MICAL1: variants seen among roughly 807,000 people sequenced by gnomAD.
MICAL1 encodes the protein microtubule associated monooxygenase, calponin and LIM domain containing 1, also known as [F-actin]-monooxygenase MICAL1.
In MICAL1, 95 loss-of-function variants were observed where a neutral mutation model predicts 131.8. That is an observed-to-expected ratio of 0.72 (90% confidence interval 0.61 to 0.86). MICAL1 has a LOEUF of 0.86. Ranked by LOEUF, MICAL1 falls within the 40% of genes least tolerant of loss-of-function variation. The pLI is 0.00. For missense variants in MICAL1, 1,292 were observed against 1,380.6 expected (o/e 0.94, Z 1.02); for synonymous variants, 546 against 554.2 (o/e 0.99, Z 0.21).
At chr6:109,445,559 G>A (rs762744677) in intron 20 of MICAL1, 30 bp from the exon 21 acceptor site, 2 of 1,607,060 alleles carry the variant, frequency 1.2e-6, no homozygotes, top group Non-Finnish European at 1.7e-6. Context: ...GTCAGGGATA[G>A]GGCCTGGGCC....
chr6:109,449,573 A>G, intron 10 of MICAL1, 84 bp downstream of exon 10: 2 of 1,601,274 alleles, frequency 1.2e-6, no homozygotes, highest in Non-Finnish European at 1.7e-6. Flanking sequence ...ATTGACCCCA[A>G]AGGGCAGCGA....
intron 6 of MICAL1, 158 bp downstream of exon 6, chr6:109,452,088 A>C: frequency 7.0e-7 from 1 of 1,432,114 alleles, no homozygotes; most frequent in Non-Finnish European, 9.1e-7. Flanking sequence ...GTGCTTGCTT[A>C]ATCCCTGAGG....
upstream of MICAL1, among the ~76,000 whole-genome samples, chr6:109,460,123 T>A (rs934731709): frequency 1.3e-5 from 2 of 152,150 alleles, no homozygotes; most frequent in African/African-American, 2.4e-5. Context: ...GATCCCTTGC[T>A]GTTACCAAAA....
chr6:109,445,228 C>T lies in MICAL1; in HGVS notation c.2850G>A (p.Val950=). 1 of 1,613,916 alleles carries T rather than the reference C, an allele frequency of 6.2e-7. No homozygotes were observed. Among genetic ancestry groups the T allele is most frequent in the Non-Finnish European group, 8.5e-7 (1 of 1,180,040 alleles). The change falls in exon 22 of 25, where the codon GTG becomes GTA. Residue 950 remains valine (V), a synonymous_variant. Coordinates refer to ENST00000358807, the MANE Select transcript of MICAL1 (RefSeq NM_022765.4). ...AALRELEAEG[V]KLELALRRQS... ...GGCGCCTCAAGGCCAGCTCCAGCTT[C>T]ACGCCCTCGGCCTCTAGCTCCCTCA...
intron 3 of MICAL1, 89 bp from the exon 4 acceptor site, chr6:109,453,456 A>C: frequency 6.6e-7 from 1 of 1,519,920 alleles, no homozygotes; most frequent in Non-Finnish European, 9.0e-7. Flanking sequence ...GTCAGACTGG[A>C]AAAGGCCTTA....
chr6:109,445,193 T>C lies in MICAL1; in HGVS notation c.2881+4A>G, dbSNP rs1775154039. 2 of 1,612,930 alleles carry C rather than the reference T, an allele frequency of 1.2e-6. No individual in the cohort carries two copies. Among genetic ancestry groups the C allele is most frequent in the East Asian group, 4.5e-5 (2 of 44,888 alleles). On this transcript the variant is annotated splice_donor_region_variant and intron_variant, in intron 22 of 24. Coordinates refer to ENST00000358807, the MANE Select transcript of MICAL1 (RefSeq NM_022765.4). ...GCAGAGGGGTGTCCTAGCTTGTCAC[T>C]CACTGCTCTGGCGCCTCAAGGCCAG... is the stretch of plus-strand genomic sequence containing the variant.
At position 109,445,219 on chromosome 6, in the gene MICAL1, C is replaced by T; in HGVS notation, c.2859G>A (p.Glu953=). 6.2e-7 allele frequency: 1 copy of T among 1,613,738 alleles called. No homozygotes were observed. The highest frequency in any genetic ancestry group is 1.1e-5 in the South Asian group (1 of 91,068). Residue 953 remains glutamate (E), a synonymous_variant, in exon 22 of 25, where the codon GAG becomes GAA. Transcript: ENST00000358807. ...CACTGCTCTGGCGCCTCAAGGCCAGCTCCAGCTTCACGCCCTCGGCCTCTA... is the reference window on the plus strand; with the variant it reads ...CACTGCTCTGGCGCCTCAAGGCCAGTTCCAGCTTCACGCCCTCGGCCTCTA... The part of the protein sequence containing the change: ...RELEAEGVKL[E]LALRRQSSSP...
chr6:109,445,568 C>G (rs763286245), intron 20 of MICAL1, 39 bp from the exon 21 acceptor site: 4 of 1,604,694 alleles, frequency 2.5e-6, no homozygotes, highest in Non-Finnish European at 3.4e-6. Flanking sequence ...AGGGCCTGGG[C>G]CCCCTGGTGG....
rs755103333 is a variant in MICAL1 at position 109,444,939 on chromosome 6, T to G, written c.2938A>C (p.Lys980Gln). The stretch of plus-strand genomic sequence containing the variant: ...TCCTCAGCCACCAGGCTGTTTTTCT[T>G]GTCAACGAGCTGTAGCAGCTGTCCT... ...WVGQLLQLVD[K>Q]KNSLVAEEAE... Residue 980 changes from lysine to glutamine, a missense_variant, in exon 23 of 25, where the codon AAG (lysine) becomes CAG (glutamine). Coordinates refer to ENST00000358807, the MANE Select transcript of MICAL1 (RefSeq NM_022765.4). The G allele has an allele frequency of 8.1e-6, 13 of 1,614,032 alleles. No homozygotes were observed. The highest frequency in any genetic ancestry group is 1.1e-5 in the Non-Finnish European group (13 of 1,180,038).
upstream of MICAL1, among the ~76,000 whole-genome samples, chr6:109,456,731 AC>A (rs1308686454): frequency 6.6e-6 from 1 of 152,202 alleles, no homozygotes; most frequent in East Asian, 1.9e-4. Flanking sequence ...ATATTAAAAA[AC>A]ATCGTCTCAT....
upstream of MICAL1, chr6:109,455,920 A>T (rs1775732984): frequency 1.0e-6 from 1 of 985,290 alleles, no homozygotes; most frequent in Non-Finnish European, 1.2e-6. The surrounding 1 kb of genome is among the most constrained non-coding windows in gnomAD (Gnocchi z 4.7). Flanking sequence ...CCCGGGCTTT[A>T]TTCGCGACTC....
At chr6:109,447,641 ATG>A in intron 15 of MICAL1, 38 bp downstream of exon 15, 1 of 1,613,254 alleles carries the variant, frequency 6.2e-7, no homozygotes, top group Non-Finnish European at 8.5e-7. Context: ...AGGGGATAAA[ATG>A]TGGGGTAGGA....
At position 109,448,838 on chromosome 6, in the gene MICAL1, C is replaced by G; in HGVS notation, c.1558G>C (p.Glu520Gln). Residue 520 changes from glutamate to glutamine, a missense_variant, in exon 12 of 25, where the codon GAG (glutamate) becomes CAG (glutamine). Physicochemically the swap from Glu to Gln is conservative, Grantham distance 29. Transcript: ENST00000358807. ...TQEELLRWCQ[E>Q]QTAGYPGVHV... Reference sequence around the variant, plus strand: ...ACTCCCGGGTACCCAGCTGTCTGCTCCTGGCACCAGCGTAGCAGCTCCTCC... The same window carrying G: ...ACTCCCGGGTACCCAGCTGTCTGCTGCTGGCACCAGCGTAGCAGCTCCTCC... 5.6e-6 allele frequency: 9 copies of G among 1,613,988 alleles called. No homozygotes were observed. The highest frequency in any genetic ancestry group is 6.8e-6 in the Non-Finnish European group (8 of 1,179,984).
At chr6:109,463,326 G>A (rs1462827516) in intron 1 of MICAL1, 1 of 152,096 alleles carries the variant, frequency 6.6e-6, no homozygotes, top group Non-Finnish European at 1.5e-5. Flanking sequence ...TGTATATGTG[G>A]GACAAAGAAA....
At chr6:109,454,425 A>G (rs955411485) in intron 1 of MICAL1, among the ~76,000 whole-genome samples, 186 bp from the exon 2 acceptor site, 2 of 152,160 alleles carry the variant, frequency 1.3e-5, no homozygotes, top group Non-Finnish European at 2.9e-5. Flanking sequence ...GTCCACTCCA[A>G]GTGAAATTTG....
At chr6:109,449,875 T>C in intron 9 of MICAL1, 92 bp from the exon 10 acceptor site, 1 of 1,584,844 alleles carries the variant, frequency 6.3e-7, no homozygotes, top group South Asian at 1.2e-5. Flanking sequence ...TTCTTCTGCC[T>C]ATTCCTCCGT....
Position 109,448,849 on chromosome 6 carries a change from C to T in MICAL1, c.1547G>A (p.Arg516His), listed in dbSNP as rs139689509. Residue 516 changes from arginine to histidine, a missense_variant, in exon 12 of 25, where the codon CGC becomes CAC. By Grantham distance (29) the Arg-to-His change is conservative. Coordinates refer to ENST00000358807, the MANE Select transcript of MICAL1 (RefSeq NM_022765.4). ...GSAGTQEELL[R>H]WCQEQTAGYP... ...CCCAGCTGTCTGCTCCTGGCACCAG[C>T]GTAGCAGCTCCTCCTGGGTGCCTGC... is the stretch of plus-strand genomic sequence containing the variant. 10 of 1,613,908 alleles carry T rather than the reference C, an allele frequency of 6.2e-6. No individual in the cohort carries two copies. The highest frequency in any genetic ancestry group is 2.2e-5 in the East Asian group (1 of 44,868).
In MICAL1 at chr6:109,445,448, CCTT is replaced by C; in HGVS notation, c.2752_2754del (p.Lys918del). On this transcript the variant is annotated inframe_deletion, in exon 21 of 25. Transcript: ENST00000358807. ...TTGCAGAACCTCTTCATCTCCTCCT[CCTT>C]CGCACGGCGCAGCAGAGTCCGACGC... 1 of 1,614,100 alleles carries C rather than the reference CCTT, an allele frequency of 6.2e-7. No homozygotes were observed. Among genetic ancestry groups the C allele is most frequent in the Non-Finnish European group, 8.5e-7 (1 of 1,180,044 alleles).
In MICAL1 at chr6:109,447,099, C is replaced by T; in HGVS notation, c.2201G>A (p.Gly734Asp). The T allele has an allele frequency of 6.2e-7, 1 of 1,614,142 alleles. No individual in the cohort carries two copies. The highest frequency in any genetic ancestry group is 8.5e-7 in the Non-Finnish European group (1 of 1,180,002). Residue 734 changes from glycine (G) to aspartate (D), a missense_variant, in exon 17 of 25, where the codon GGT (glycine) becomes GAT (aspartate). Transcript: ENST00000358807. Reference protein sequence around the residue: ...CHTCEATLWPGGYEQHPGDGH... With the variant: ...CHTCEATLWPDGYEQHPGDGH... ...ATCTCCTGGGTGCTGCTCGTAGCCA[C>T]CTGGCCACAGTGTGGCCTCACAGGT... is the stretch of plus-strand genomic sequence containing the variant.
Sources: allele counts gnomAD v4.1 joint callset (sites outside exome capture counted in the v4.1 genomes callset), GRCh38; gene constraint gnomAD v4.1.1; non-coding constraint Gnocchi (gnomAD v3.1); transcripts MANE v1.5; gene names NCBI Gene and HGNC (gene_info 2026-07-23, HGNC 2026-07-21).